CACNA2D3: variants seen among roughly 807,000 people sequenced by gnomAD.
The protein encoded by CACNA2D3 is calcium voltage-gated channel auxiliary subunit alpha2delta 3, also known as voltage-dependent calcium channel subunit alpha-2/delta-3.
Under a neutral mutation model 160.6 loss-of-function variants are expected in CACNA2D3, and 60 were observed. That is an observed-to-expected ratio of 0.37 (90% CI 0.30 to 0.46). The LOEUF (loss-of-function observed/expected upper bound fraction) is 0.46. Ranked by LOEUF, CACNA2D3 falls within the 20% of genes least tolerant of loss-of-function variation. The pLI is 1.00. For synonymous variants in CACNA2D3, 558 were observed against 492.9 expected (o/e 1.13, Z -1.75); for missense variants, 1,205 against 1,365.0 (o/e 0.88, Z 1.85).
chr3:54,247,616 C>G (rs1471732521), intron 2 of CACNA2D3, among the ~76,000 whole-genome samples: 3 of 151,892 alleles, frequency 2.0e-5, no homozygotes, highest in African/African-American at 7.3e-5. Flanking sequence ...AAAAAATAGA[C>G]AAAGAATTCA....
At chr3:54,912,031 T>C (rs1700566404) in intron 27 of CACNA2D3, among the ~76,000 whole-genome samples, 1 of 152,138 alleles carries the variant, frequency 6.6e-6, no homozygotes, top group Non-Finnish European at 1.5e-5. Context: ...TGCGGACTCA[T>C]CTGAAGGCTC....
At chr3:54,385,130 G>A (rs1259756892) in intron 3 of CACNA2D3, among the ~76,000 whole-genome samples, 1 of 152,154 alleles carries the variant, frequency 6.6e-6, no homozygotes, top group East Asian at 1.9e-4. Flanking sequence ...TTAGCCAGTG[G>A]TTCTCAAACT....
chr3:54,953,718 C>T (rs979471452), intron 27 of CACNA2D3, among the ~76,000 whole-genome samples: 2 of 152,290 alleles, frequency 1.3e-5, no homozygotes, highest in African/African-American at 2.4e-5. Flanking sequence ...TGCCTGTGAA[C>T]GCTTGGGGCA....
At chr3:54,386,436 G>C (rs1699187437) in intron 3 of CACNA2D3, among the ~76,000 whole-genome samples, 1 of 152,230 alleles carries the variant, frequency 6.6e-6, no homozygotes, top group African/African-American at 2.4e-5. Context: ...TCAAGGACCA[G>C]TGTCTGAATT....
At chr3:54,587,221 T>C (rs1702777507) in intron 9 of CACNA2D3, among the ~76,000 whole-genome samples, 2 of 151,866 alleles carry the variant, frequency 1.3e-5, no homozygotes, top group Non-Finnish European at 2.9e-5. Context: ...AAGCTGGTTC[T>C]TTAAATCAGT....
intron 2 of CACNA2D3, among the ~76,000 whole-genome samples, chr3:54,149,793 G>A (rs78163098): frequency 0.016 from 2,505 of 151,948 alleles, 75 homozygotes; most frequent in African/African-American, 0.057. Context: ...AAGAAGTTTG[G>A]TTAGGGGGAA....
intron 11 of CACNA2D3, among the ~76,000 whole-genome samples, chr3:54,664,632 C>T (rs1374512102): frequency 6.6e-6 from 1 of 152,190 alleles, no homozygotes; most frequent in Non-Finnish European, 1.5e-5. Context: ...GTCTTTGTTC[C>T]ATCATATTTT....
At chr3:54,714,484 G>A (rs1456802845) in intron 11 of CACNA2D3, among the ~76,000 whole-genome samples, 1 of 152,086 alleles carries the variant, frequency 6.6e-6, no homozygotes, top group Non-Finnish European at 1.5e-5. Flanking sequence ...TTCCTTCATG[G>A]ACTTGATATA....
rs567718842 is a variant in CACNA2D3, at chr3:54,242,386, C to T, written c.205-78056C>T. ...TGAATCTGGGAGGCAGAGGTTGCGG[C>T]GAGCTGAGATCGTGCCACTGCACTC... On this transcript the variant is annotated intron_variant, in intron 2 of 37. Transcript: ENST00000474759. 3.3e-5 allele frequency among the ~76,000 whole-genome samples: 5 copies of T among 152,156 alleles called. No homozygotes were observed. The South Asian group carries it at 6.2e-4, about 19-fold the overall frequency.
intron 2 of CACNA2D3, among the ~76,000 whole-genome samples, chr3:54,215,716 C>T (rs939865784): frequency 6.6e-6 from 1 of 152,180 alleles, no homozygotes; most frequent in Non-Finnish European, 1.5e-5. Flanking sequence ...TTTCCAAAGT[C>T]ACCGGCTCAC....
intron 4 of CACNA2D3, among the ~76,000 whole-genome samples, chr3:54,406,183 T>C (rs772495420): frequency 6.6e-6 from 1 of 152,080 alleles, no homozygotes; most frequent in African/African-American, 2.4e-5. Flanking sequence ...ACCCAGAAAT[T>C]GCTCTTCTGG....
chr3:54,891,369 G>A lies in CACNA2D3; in HGVS notation c.2165G>A (p.Gly722Asp). ...ALNKSENSDK[G>D]VEVAFLGTRT... ...TTCTGTTTCAGAAATTCTGACAAGG[G>A]CGTGGAGGTTGCCTTCCTCGGCACT... Residue 722 changes from glycine (G) to aspartate (D), a missense_variant, in exon 25 of 38, where the codon GGC becomes GAC. Gly to Asp is a moderately conservative substitution (Grantham distance 94). Around this residue, in one of 3 missense-constraint regions of CACNA2D3, gnomAD observed 911 missense variants for 1,002.2 expected, o/e 0.91. Coordinates refer to ENST00000474759, the MANE Select transcript of CACNA2D3 (RefSeq NM_018398.3). The A allele has an allele frequency of 6.2e-7, 1 of 1,613,750 alleles. No homozygotes were observed. Among genetic ancestry groups the A allele is most frequent in the Non-Finnish European group, 8.5e-7 (1 of 1,179,756 alleles).
chr3:54,463,763 T>C (rs1395139855), intron 4 of CACNA2D3, among the ~76,000 whole-genome samples: 7 of 152,244 alleles, frequency 4.6e-5, no homozygotes, highest in South Asian at 2.1e-4. Context: ...AGCCTTCTTC[T>C]CTGAACTCTT....
chr3:54,577,544 C>T (rs945046024), intron 8 of CACNA2D3, among the ~76,000 whole-genome samples: 2 of 152,242 alleles, frequency 1.3e-5, no homozygotes, highest in Non-Finnish European at 2.9e-5. Context: ...ACATCACCCT[C>T]TTCCTTCATA....
At chr3:54,248,650 G>T (rs568972910) in intron 2 of CACNA2D3, among the ~76,000 whole-genome samples, 86 of 152,190 alleles carry the variant, frequency 5.7e-4, no homozygotes, top group African/African-American at 1.9e-3. Context: ...AAGGAGAGAG[G>T]CCATCAGAAA....
At chr3:54,385,570 C>A (rs1484700522) in intron 3 of CACNA2D3, among the ~76,000 whole-genome samples, 2 of 152,210 alleles carry the variant, frequency 1.3e-5, no homozygotes, top group East Asian at 3.8e-4. Context: ...CTGTCTCTGG[C>A]TGGCCTGTCT....
intron 9 of CACNA2D3, among the ~76,000 whole-genome samples, chr3:54,607,574 G>A (rs1698661840): frequency 6.6e-6 from 1 of 152,110 alleles, no homozygotes; most frequent in Non-Finnish European, 1.5e-5. Context: ...ACTAAATGCG[G>A]GCTAGGACAC....
intron 3 of CACNA2D3, among the ~76,000 whole-genome samples, chr3:54,337,828 T>C (rs932119516): frequency 6.6e-6 from 1 of 152,230 alleles, no homozygotes; most frequent in African/African-American, 2.4e-5. Context: ...CAAAGTGATT[T>C]ATCAGAAAGA....
intron 17 of CACNA2D3, among the ~76,000 whole-genome samples, chr3:54,857,511 A>C (rs756557098): frequency 6.6e-5 from 10 of 152,186 alleles, no homozygotes; most frequent in African/African-American, 1.4e-4. Flanking sequence ...TGTGTTTTAC[A>C]CTGGCTCCCA....
Sources: gnomAD v4.1 joint callset for allele counts (sites outside exome capture counted in the v4.1 genomes callset) on GRCh38, gnomAD v4.1.1 for gene constraint, gnomAD v4.1.1 regional missense constraint, MANE v1.5 for transcripts, NCBI Gene and HGNC (gene_info 2026-07-23, HGNC 2026-07-21) for gene names.